KDM4B: variants seen among roughly 807,000 people sequenced by gnomAD.
KDM4B encodes lysine-specific demethylase 4B.
In KDM4B, 32 loss-of-function variants were observed where a neutral mutation model predicts 125.2. The observed-to-expected ratio is 0.26, with a 90% CI of 0.19 to 0.34. KDM4B has a LOEUF of 0.34. KDM4B is among the 10% of genes least tolerant of loss of function. KDM4B has a pLI of 1.00. For missense variants in KDM4B, 1,190 were observed against 1,577.7 expected, an observed-to-expected ratio of 0.75 and a Z score of 4.16; for synonymous variants, 721 against 677.9, an observed-to-expected ratio of 1.06 and a Z score of -0.99.
rs372152784 is a variant in KDM4B, at chr19:5,081,686, G to A, written c.781-681G>A. On this transcript the variant is annotated intron_variant, in intron 8 of 22. Transcript: ENST00000159111. The surrounding 1 kb of genome is among the most constrained non-coding windows in gnomAD (Gnocchi z 4.2). ...ATCTGTGGTGTCAGGTCATGCCCCC[G>A]GTGTGCAGATATTTCTGGATCTCCA... 1.3e-5 allele frequency among the ~76,000 whole-genome samples: 2 copies of A among 152,300 alleles called. No individual in the cohort carries two copies. Among genetic ancestry groups the A allele is most frequent in the South Asian group, 4.1e-4 (2 of 4,828 alleles).
At chr19:4,986,289 G>C (rs565568490) in intron 1 of KDM4B, among the ~76,000 whole-genome samples, 4 of 152,232 alleles carry the variant, frequency 2.6e-5, no homozygotes, top group Non-Finnish European at 5.9e-5. Flanking sequence ...CGTGGGACCC[G>C]AGCTCGTGAA....
At position 4,999,074 on chromosome 19, in the gene KDM4B, C is replaced by T. The variant is rs947410864; in HGVS notation, c.-108-17183C>T. 3.3e-5 allele frequency among the ~76,000 whole-genome samples: 5 copies of T among 152,170 alleles called. No individual in the cohort carries two copies. The South Asian group carries it at 8.3e-4, about 25-fold the overall frequency. On this transcript the variant is annotated intron_variant, in intron 1 of 22. Transcript: ENST00000159111. Reference sequence around the variant, plus strand: ...TGTAAACACGCCGTTACTCCTCAAACGTTCACTGCTTGTTTCAGCAGACAT... The same window carrying T: ...TGTAAACACGCCGTTACTCCTCAAATGTTCACTGCTTGTTTCAGCAGACAT...
chr19:5,102,413 G>C (rs1227798918), intron 9 of KDM4B, among the ~76,000 whole-genome samples: 1 of 152,176 alleles, frequency 6.6e-6, no homozygotes, highest in Non-Finnish European at 1.5e-5. Flanking sequence ...GAGACAGTGA[G>C]GCCTTCTAGG....
At chr19:5,090,364 T>TCCC (rs1568291438) in intron 9 of KDM4B, among the ~76,000 whole-genome samples, 1 of 123,616 alleles carries the variant, frequency 8.1e-6, no homozygotes, top group African/African-American at 3.2e-5. Context: ...CTCTCTCTCC[T>TCCC]CATCTCTCTC....
chr19:5,019,797 G>A lies in KDM4B; in HGVS notation c.-26+3458G>A, dbSNP rs375363945. Among the ~76,000 whole-genome samples, 28 of 146,312 alleles carry A rather than the reference G, an allele frequency of 1.9e-4. 1 individual carries two copies. The East Asian group carries it at 4.4e-3, about 23-fold the overall frequency. ...GTGGTGTGCAGGTGCTGGTGTGGAC[G>A]TTGGTGTGCAGGTGCTGCTGTGGAC... On this transcript the variant is annotated intron_variant, in intron 2 of 22. Transcript: ENST00000159111.
intron 9 of KDM4B, among the ~76,000 whole-genome samples, chr19:5,092,420 C>T (rs1435568866): frequency 6.6e-6 from 1 of 152,230 alleles, no homozygotes; most frequent in African/African-American, 2.4e-5. Context: ...GCCCTTCCTT[C>T]CTTTCTCCCA....
In KDM4B at chr19:4,997,492, C is replaced by T. The variant is rs773261715; in HGVS notation, c.-108-18765C>T. Reference sequence around the variant, plus strand: ...ACCCCAGCCGGCTGGGCCTGCGTACCCAGTGGGTGGCGCTCAGGTCTGCAG... The same window carrying T: ...ACCCCAGCCGGCTGGGCCTGCGTACTCAGTGGGTGGCGCTCAGGTCTGCAG... On this transcript the variant is annotated intron_variant, in intron 1 of 22. Coordinates refer to ENST00000159111, the MANE Select transcript of KDM4B (RefSeq NM_015015.3). This position sits in a 1 kb window ranked among gnomAD's most constrained non-coding sequence, Gnocchi z 4.2. Among the ~76,000 whole-genome samples the T allele has an allele frequency of 6.6e-6, 1 of 152,102 alleles. No individual in the cohort carries two copies. Among genetic ancestry groups the T allele is most frequent in the Non-Finnish European group, 1.5e-5 (1 of 67,992 alleles).
In KDM4B at chr19:5,119,810, C is replaced by T; in HGVS notation, c.1273C>T (p.Pro425Ser). The change falls in exon 11 of 23, where the codon CCG (proline) becomes TCG (serine). Residue 425 changes from proline to serine, a missense_variant. Coordinates refer to ENST00000159111, the MANE Select transcript of KDM4B (RefSeq NM_015015.3). ...TGACCCCGAGGAGGAGGAGGAGGAGCCGCAGCCACTGCCACACGGCCGGGA... is the reference window on the plus strand; with the variant it reads ...TGACCCCGAGGAGGAGGAGGAGGAGTCGCAGCCACTGCCACACGGCCGGGA... Reference protein sequence around the residue: ...EVDPEEEEEEPQPLPHGREAE... With the variant: ...EVDPEEEEEESQPLPHGREAE... 6.5e-7 allele frequency: 1 copy of T among 1,543,624 alleles called. No individual in the cohort carries two copies. Among genetic ancestry groups the T allele is most frequent in the Non-Finnish European group, 8.7e-7 (1 of 1,144,230 alleles).
At chr19:5,005,104 C>G (rs2035515949) in intron 1 of KDM4B, among the ~76,000 whole-genome samples, 1 of 152,200 alleles carries the variant, frequency 6.6e-6, no homozygotes, top group South Asian at 2.1e-4. Context: ...TCCCAGGGAT[C>G]CAGCACAAAG....
chr19:5,024,601 C>T (rs1255062025), intron 2 of KDM4B, among the ~76,000 whole-genome samples: 1 of 151,972 alleles, frequency 6.6e-6, no homozygotes, highest in African/African-American at 2.4e-5. Context: ...GCTGAGGAGC[C>T]AGGCCTGGCC....
rs758629983 is a variant in KDM4B at position 5,040,027 on chromosome 19, A to G, written c.317+16A>G. ...ACAGCGAGAAGTACGCGGGGCGGGC[A>G]GGGCGGACCTGACCCCCGCCCCCGG... On this transcript the variant is annotated intron_variant, in intron 4 of 22. Coordinates refer to ENST00000159111, the MANE Select transcript of KDM4B (RefSeq NM_015015.3). 1.2e-5 allele frequency: 19 copies of G among 1,597,958 alleles called. No individual in the cohort carries two copies. In the Admixed American group the frequency reaches 1.9e-4, roughly 16 times the overall value.
chr19:5,083,079 G>T (rs2038354303), intron 9 of KDM4B, among the ~76,000 whole-genome samples: 1 of 152,182 alleles, frequency 6.6e-6, no homozygotes, highest in Non-Finnish European at 1.5e-5. Flanking sequence ...CATGCCCGTG[G>T]GAAGACTCAC....
At chr19:5,089,912 C>A (rs1015454922) in intron 9 of KDM4B, among the ~76,000 whole-genome samples, 3 of 152,192 alleles carry the variant, frequency 2.0e-5, no homozygotes, top group Non-Finnish European at 4.4e-5. Flanking sequence ...TGACTCATGC[C>A]TCTAATCCCA....
At chr19:4,983,860 C>T (rs751348532) in intron 1 of KDM4B, among the ~76,000 whole-genome samples, 2 of 152,176 alleles carry the variant, frequency 1.3e-5, no homozygotes. Context: ...TACCCATGCA[C>T]GTAGCCTGCT....
At chr19:4,974,843 T>C (rs1444581265) in intron 1 of KDM4B, among the ~76,000 whole-genome samples, 3 of 151,996 alleles carry the variant, frequency 2.0e-5, no homozygotes, top group Admixed American at 6.6e-5. Context: ...CTGTTGCCCT[T>C]GGGAAAAATT....
At chr19:4,996,585 A>G (rs2035208367) in intron 1 of KDM4B, among the ~76,000 whole-genome samples, 1 of 150,864 alleles carries the variant, frequency 6.6e-6, no homozygotes, top group South Asian at 2.1e-4. Context: ...CATGTTGTCC[A>G]GGCTGGAGTT....
intron 8 of KDM4B, among the ~76,000 whole-genome samples, chr19:5,080,476 A>G (rs148596428): frequency 4.6e-5 from 7 of 152,382 alleles, no homozygotes; most frequent in African/African-American, 1.4e-4. Context: ...TTCAGTGCCC[A>G]GCATCGGTAG....
chr19:5,131,279 AATGTCGTGCCCCCTG>A lies in KDM4B; in HGVS notation c.1521_1535del (p.Asn507_Glu512delinsLys). On this transcript the variant is annotated inframe_deletion, in exon 12 of 23. Coordinates refer to ENST00000159111, the MANE Select transcript of KDM4B (RefSeq NM_015015.3). ...GGAGAGCCCCCTGCCGGCACCCCTT[AATGTCGTGCCCCCTG>A]AGGTGCCCAGTGAGGAGCTAGAGGC... is the stretch of plus-strand genomic sequence containing the variant. The A allele has an allele frequency of 6.2e-7, 1 of 1,611,574 alleles. No individual in the cohort carries two copies. Among genetic ancestry groups the A allele is most frequent in the African/African-American group, 1.3e-5 (1 of 74,890 alleles).
intron 1 of KDM4B, among the ~76,000 whole-genome samples, chr19:5,004,265 C>G (rs1026231038): frequency 6.6e-5 from 10 of 152,154 alleles, no homozygotes; most frequent in African/African-American, 2.4e-4. Context: ...CATTTCCACA[C>G]GCCGGCCCCT....
Sources: allele counts gnomAD v4.1 joint callset (sites outside exome capture counted in the v4.1 genomes callset), GRCh38; gene constraint gnomAD v4.1.1; non-coding constraint Gnocchi (gnomAD v3.1); transcripts MANE v1.5; gene names NCBI Gene and HGNC (gene_info 2026-07-23, HGNC 2026-07-21).